Variants in FAR2 observed in about 807,000 individuals in gnomAD.
FAR2 encodes epididymis secretory protein Li 81.
In FAR2, 19 loss-of-function variants were observed where a neutral mutation model predicts 56.0. The observed-to-expected ratio is 0.34, with a 90% confidence interval of 0.24 to 0.50. The LOEUF is 0.50. Ranked by LOEUF, FAR2 falls within the 20% of genes least tolerant of loss-of-function variation. The pLI is 0.98. For missense variants in FAR2, 508 were observed against 642.2 expected (o/e 0.79, Z 2.26); for synonymous variants, 219 against 218.8 (o/e 1.00, Z -0.01).
At position 29,324,569 on chromosome 12, in the gene FAR2, G is replaced by C. The variant is rs186824603; in HGVS notation, c.1257+2645G>C. 9.0e-4 allele frequency among the ~76,000 whole-genome samples: 137 copies of C among 152,334 alleles called. 1 individual carries two copies. Among genetic ancestry groups the C allele is most frequent in the African/African-American group, 3.0e-3 (125 of 41,582 alleles). Reference sequence around the variant, plus strand: ...TGATCTCTCGGCAGAAACTCTACAAGCCAGAAGAGAGTGGGGGCCGACATT... The same window carrying C: ...TGATCTCTCGGCAGAAACTCTACAACCCAGAAGAGAGTGGGGGCCGACATT... On this transcript the variant is annotated intron_variant, in intron 10 of 11. Transcript: ENST00000536681.
intron 4 of FAR2, among the ~76,000 whole-genome samples, chr12:29,298,313 A>G (rs1388211117): frequency 6.6e-6 from 1 of 151,306 alleles, no homozygotes; most frequent in Non-Finnish European, 1.5e-5. Context: ...TTTTGTAAAA[A>G]ACTATATAAA....
chr12:29,247,387 A>G (rs181336311), intron 1 of FAR2, among the ~76,000 whole-genome samples: 4 of 152,270 alleles, frequency 2.6e-5, no homozygotes, highest in Non-Finnish European at 4.4e-5. Flanking sequence ...GCAAAAGAAC[A>G]ATGTGTTTTT....
At chr12:29,257,773 A>T (rs1233179134) in intron 1 of FAR2, among the ~76,000 whole-genome samples, 1 of 152,126 alleles carries the variant, frequency 6.6e-6, no homozygotes, top group Non-Finnish European at 1.5e-5. Flanking sequence ...ACACATCTGA[A>T]CATCAGAAGG....
chr12:29,307,524 T>C, intron 4 of FAR2, 134 bp from the exon 5 acceptor site: 2 of 839,210 alleles, frequency 2.4e-6, no homozygotes, highest in Non-Finnish European at 3.6e-6. Context: ...CACTCAAACT[T>C]GGTATCATGT....
chr12:29,199,955 G>GA (rs902577485), intron 1 of FAR2, among the ~76,000 whole-genome samples: 3 of 152,130 alleles, frequency 2.0e-5, no homozygotes, highest in Non-Finnish European at 4.4e-5. Context: ...TAGAGTAGTA[G>GA]AAAACCCAAT....
intron 1 of FAR2, among the ~76,000 whole-genome samples, chr12:29,215,782 A>G (rs944851695): frequency 6.6e-6 from 1 of 152,272 alleles, no homozygotes; most frequent in Admixed American, 6.5e-5. Flanking sequence ...ATATATCAAT[A>G]TATAAACAAA....
At chr12:29,254,331 T>C (rs1251158253) in intron 1 of FAR2, among the ~76,000 whole-genome samples, 1 of 152,190 alleles carries the variant, frequency 6.6e-6, no homozygotes, top group Non-Finnish European at 1.5e-5. Flanking sequence ...CATTTTTTCA[T>C]TAAGTGTTTG....
At chr12:29,208,652 G>GA (rs71042967) in intron 1 of FAR2, among the ~76,000 whole-genome samples, 3,317 of 148,532 alleles carry the variant, frequency 0.022, 43 homozygotes, top group Middle Eastern at 0.066. Context: ...GTGCCAGAGA[G>GA]AAAAAAAAAA....
At position 29,248,675 on chromosome 12, in the gene FAR2, C is replaced by T. The variant is rs750801431; in HGVS notation, c.-38-21737C>T. On this transcript the variant is annotated intron_variant, in intron 1 of 11. Coordinates refer to ENST00000536681, the MANE Select transcript of FAR2 (RefSeq NM_001271783.2). ...AACTGGTCTGACCAAAATTATTAGG[C>T]GGGAATTTCCTCTTCCTAATAAGCC... Among the ~76,000 whole-genome samples the T allele has an allele frequency of 5.9e-5, 9 of 152,212 alleles. No homozygotes were observed. In the South Asian group the frequency reaches 1.0e-3, roughly 18 times the overall value.
chr12:29,201,678 TACCTGGG>T (rs1947414289), intron 1 of FAR2, among the ~76,000 whole-genome samples: 1 of 152,250 alleles, frequency 6.6e-6, no homozygotes, highest in Non-Finnish European at 1.5e-5. Flanking sequence ...GACTTTGCTA[TACCTGGG>T]TCAAACCTGA....
intron 1 of FAR2, among the ~76,000 whole-genome samples, chr12:29,206,213 G>A (rs1947476924): frequency 6.6e-6 from 1 of 152,160 alleles, no homozygotes; most frequent in Non-Finnish European, 1.5e-5. Flanking sequence ...ATCAGGTTTT[G>A]CATATTGGAT....
chr12:29,261,166 C>T (rs1221993244), intron 1 of FAR2, among the ~76,000 whole-genome samples: 1 of 152,160 alleles, frequency 6.6e-6, no homozygotes, highest in East Asian at 1.9e-4. Flanking sequence ...AATAAGGCAC[C>T]AGTGACCAAT....
At chr12:29,220,377 C>T (rs927234713) in intron 1 of FAR2, among the ~76,000 whole-genome samples, 2 of 152,142 alleles carry the variant, frequency 1.3e-5, no homozygotes, top group African/African-American at 4.8e-5. Flanking sequence ...TGTCTTTGAG[C>T]ATATAGGAAA....
chr12:29,219,469 A>G (rs1947660072), intron 1 of FAR2, among the ~76,000 whole-genome samples: 1 of 152,192 alleles, frequency 6.6e-6, no homozygotes, highest in Non-Finnish European at 1.5e-5. Context: ...AAAGCAGGAC[A>G]GGTCTGATAG....
In FAR2 at chr12:29,335,463, A is replaced by G. The variant is rs893369226; in HGVS notation, c.*1669A>G. 2.0e-5 allele frequency: 3 copies of G among 152,332 alleles called. No homozygotes were observed. The highest frequency in any genetic ancestry group is 2.0e-4 in the Admixed American group (3 of 15,302). The allele number at this position is 152,332 out of a possible 1,614,324, so 9.4% of individuals were successfully genotyped here. A position where few individuals can be genotyped will look rare whatever the true frequency, so the allele number is the denominator to read the frequency against. ...TACAAGCTATAGACATGATAAAAAT[A>G]TGAAATCAAGATATAGCTCAGTGGG... On this transcript the variant is annotated 3_prime_UTR_variant, in exon 12 of 12. Transcript: ENST00000536681.
Position 29,335,206 on chromosome 12 carries a change from A to T in FAR2, c.*1412A>T, listed in dbSNP as rs1591981587. On this transcript the variant is annotated 3_prime_UTR_variant, in exon 12 of 12. Coordinates refer to ENST00000536681, the MANE Select transcript of FAR2 (RefSeq NM_001271783.2). ...AATATTCAGAAAGGCACATCGTGGT[A>T]GTTTAAGTGTACAAGGCCTTAGGGC... 6.6e-6 allele frequency: 1 copy of T among 152,296 alleles called. No homozygotes were observed. The highest frequency in any genetic ancestry group is 2.1e-4 in the South Asian group (1 of 4,832). The allele number at this position is 152,296 out of a possible 1,614,324, so 9.4% of individuals were successfully genotyped here. A position where few individuals can be genotyped will look rare whatever the true frequency, so the allele number is the denominator to read the frequency against.
chr12:29,187,201 C>G (rs976876726), intron 1 of FAR2, among the ~76,000 whole-genome samples: 34 of 152,100 alleles, frequency 2.2e-4, no homozygotes, highest in African/African-American at 7.2e-4. Flanking sequence ...ATGTCTTAAC[C>G]CTTTTTTTTA....
intron 1 of FAR2, among the ~76,000 whole-genome samples, chr12:29,249,281 G>T (rs1948173036): frequency 6.6e-6 from 1 of 152,166 alleles, no homozygotes; most frequent in African/African-American, 2.4e-5. Flanking sequence ...TTCTGCCATG[G>T]CTTCAGCCGG....
intron 1 of FAR2, among the ~76,000 whole-genome samples, chr12:29,210,952 A>AC: frequency 6.6e-6 from 1 of 151,824 alleles, no homozygotes; most frequent in Non-Finnish European, 1.5e-5. Flanking sequence ...AAAACAAAAA[A>AC]AAAACTATAT....
Sources: gnomAD v4.1 joint callset for allele counts (sites outside exome capture counted in the v4.1 genomes callset) on GRCh38, gnomAD v4.1.1 for gene constraint, MANE v1.5 for transcripts, NCBI Gene and HGNC (gene_info 2026-07-23, HGNC 2026-07-21) for gene names.